The following ZEB2 variants were observed in gnomAD, a reference collection of about 807,000 sequenced individuals.
ZEB2 encodes the protein zinc finger E-box binding homeobox 2.
A neutral mutation model predicts 99.9 loss-of-function variants in ZEB2; 6 were observed. That is an observed-to-expected ratio of 0.06 (90% CI 0.03 to 0.12). ZEB2 has a LOEUF of 0.12. Among genes scored for constraint, ZEB2 ranks in the 10% least tolerant of loss-of-function variants. The probability of loss-of-function intolerance (pLI) is 1.00; values close to 1 mark genes in which losing one functional copy is unlikely to be tolerated. For synonymous variants in ZEB2, 517 were observed against 542.5 expected, an observed-to-expected ratio of 0.95 and a Z score of 0.65; for missense variants, 969 against 1,502.8, an observed-to-expected ratio of 0.64 and a Z score of 5.87.
At chr2:144,508,716 T>C (rs1172445476) in intron 2 of ZEB2, among the ~76,000 whole-genome samples, 3 of 151,900 alleles carry the variant, frequency 2.0e-5, no homozygotes, top group African/African-American at 7.3e-5. Flanking sequence ...AGATAGGCAG[T>C]ACTTCCCCCT....
intron 3 of ZEB2, chr2:144,429,491 TGTG>T: frequency 2.1e-6 from 1 of 467,642 alleles, no homozygotes; most frequent in Non-Finnish European, 3.9e-6. Context: ...ACATTGTAAA[TGTG>T]GTGCAAATAC....
In ZEB2 at chr2:144,386,108, G is replaced by A. The variant is rs1412022949; in HGVS notation, c.*3343C>T. ...AAAGGCTCTTGGAGAAAATGGGCAG[G>A]GGTGTTCAGTTGTTCCAGTGTTTCC... On this transcript the variant is annotated 3_prime_UTR_variant, in exon 10 of 10. Coordinates refer to ENST00000627532, the MANE Select transcript of ZEB2 (RefSeq NM_014795.4). 6.6e-6 allele frequency: 1 copy of A among 152,160 alleles called. No individual in the cohort carries two copies. The highest frequency in any genetic ancestry group is 1.5e-5 in the Non-Finnish European group (1 of 68,026). 9.4% of individuals were successfully genotyped at this position (152,160 alleles called of 1,614,324 possible). A position where few individuals can be genotyped will look rare whatever the true frequency, so the allele number is the denominator to read the frequency against.
At chr2:144,451,651 A>AAT (rs1704056455) in intron 2 of ZEB2, among the ~76,000 whole-genome samples, 1 of 152,212 alleles carries the variant, frequency 6.6e-6, no homozygotes, top group South Asian at 2.1e-4. Context: ...GGAAGCTAGC[A>AAT]ATACTCTTAC....
chr2:144,486,550 A>T (rs1704600429), intron 2 of ZEB2, among the ~76,000 whole-genome samples: 1 of 152,160 alleles, frequency 6.6e-6, no homozygotes, highest in Non-Finnish European at 1.5e-5. Context: ...GAAAACAATT[A>T]TGGAAATGAT....
chr2:144,513,985 A>G, intron 2 of ZEB2: 1 of 1,070,382 alleles, frequency 9.3e-7, no homozygotes, highest in Non-Finnish European at 1.3e-6. Flanking sequence ...CTTCCCCCTC[A>G]CCCCACTCCC....
At chr2:144,447,247 A>C (rs1703997829) in intron 2 of ZEB2, among the ~76,000 whole-genome samples, 1 of 152,288 alleles carries the variant, frequency 6.6e-6, no homozygotes, top group East Asian at 1.9e-4. Flanking sequence ...TTCTGACTGC[A>C]CTGGCTTCCT....
intron 2 of ZEB2, among the ~76,000 whole-genome samples, chr2:144,445,413 T>A (rs1703970008): frequency 1.3e-5 from 2 of 152,160 alleles, no homozygotes; most frequent in South Asian, 4.1e-4. Flanking sequence ...GACTTGTTTG[T>A]TCTTCTCACT....
At chr2:144,517,253 A>C in intron 2 of ZEB2, 25 bp downstream of exon 2, 3 of 1,612,808 alleles carry the variant, frequency 1.9e-6, no homozygotes, top group Non-Finnish European at 2.5e-6. Context: ...TGGCCCGGAA[A>C]AGTTTGGTTC....
intron 2 of ZEB2, among the ~76,000 whole-genome samples, chr2:144,452,828 AT>A (rs1325906969): frequency 6.6e-6 from 1 of 152,124 alleles, no homozygotes; most frequent in African/African-American, 2.4e-5. Context: ...AAAGCAAAAC[AT>A]TTACGTGGGG....
At chr2:144,512,209 A>G (rs1200192622) in intron 2 of ZEB2, 1 of 1,287,252 alleles carries the variant, frequency 7.8e-7, no homozygotes, top group Admixed American at 2.3e-5. Flanking sequence ...GACAGGCACA[A>G]AATAGTGTCT....
At chr2:144,517,103 C>G (rs1476630082) in intron 2 of ZEB2, among the ~76,000 whole-genome samples, 175 bp downstream of exon 2, 1 of 150,496 alleles carries the variant, frequency 6.6e-6, no homozygotes, top group East Asian at 2.0e-4. Flanking sequence ...CAACACCCCC[C>G]GGTCCAGCCG....
intron 2 of ZEB2, among the ~76,000 whole-genome samples, chr2:144,489,527 C>T (rs1365543367): frequency 1.3e-5 from 2 of 152,170 alleles, no homozygotes; most frequent in Non-Finnish European, 2.9e-5. Context: ...GCAGAATCTC[C>T]TCTCTACTTT....
chr2:144,483,089 G>C (rs1704537368), intron 2 of ZEB2, among the ~76,000 whole-genome samples: 1 of 150,964 alleles, frequency 6.6e-6, no homozygotes, highest in Admixed American at 6.6e-5. Flanking sequence ...TCATGACAGA[G>C]AGAGAGAAAA....
chr2:144,394,497 A>G lies in ZEB2; in HGVS notation c.3067+1915T>C, dbSNP rs924439236. 3.3e-5 allele frequency: 5 copies of G among 152,338 alleles called. No individual in the cohort carries two copies. The East Asian group carries it at 7.7e-4, about 23-fold the overall frequency. The allele number at this position is 152,338 out of a possible 1,614,324, so 9.4% of individuals were successfully genotyped here. ...CTATTGTAGCTGAATAATGGAATAC[A>G]AAATATATTTAAGGTTGATTAAAAT... On this transcript the variant is annotated intron_variant, in intron 9 of 9. Coordinates refer to ENST00000627532, the MANE Select transcript of ZEB2 (RefSeq NM_014795.4).
chr2:144,389,973 G>A lies in ZEB2; in HGVS notation c.3123C>T (p.His1041=). 1.2e-6 allele frequency: 2 copies of A among 1,605,884 alleles called. No homozygotes were observed. The highest frequency in any genetic ancestry group is 1.7e-6 in the Non-Finnish European group (2 of 1,180,000). The part of the protein sequence containing the change: ...ICKKAFKHKH[H]LIEHSRLHSG... ...AGTGAAGCCTTGAGTGCTCGATAAG[G>A]TGGTGCTTGTGTTTAAACGCTTTCT... Residue 1041 remains histidine (H), a synonymous_variant, in exon 10 of 10, where the codon CAC becomes CAT. Coordinates refer to ENST00000627532, the MANE Select transcript of ZEB2 (RefSeq NM_014795.4). This position sits in a 1 kb window ranked among gnomAD's most constrained non-coding sequence, Gnocchi z 6.8.
At chr2:144,518,732 TATTGATTTGAA>T (rs2149936302) in intron 1 of ZEB2, 1 of 152,354 alleles carries the variant, frequency 6.6e-6, no homozygotes, top group East Asian at 1.9e-4. Flanking sequence ...TTCCTTGTCC[TATTGATTTGAA>T]ATTGTTAGGG....
At chr2:144,412,780 T>C (rs1703483290) in intron 4 of ZEB2, among the ~76,000 whole-genome samples, 1 of 152,236 alleles carries the variant, frequency 6.6e-6, no homozygotes. Flanking sequence ...ACTTCCTTCT[T>C]CACTTACTGA....
intron 2 of ZEB2, chr2:144,448,878 T>C (rs568238419): frequency 6.6e-6 from 1 of 152,292 alleles, no homozygotes; most frequent in South Asian, 2.1e-4. Flanking sequence ...AGGTGAGAAA[T>C]GCCACTAGTA....
At chr2:144,420,693 G>A (rs1703608354) in intron 4 of ZEB2, among the ~76,000 whole-genome samples, 1 of 152,142 alleles carries the variant, frequency 6.6e-6, no homozygotes, top group Admixed American at 6.5e-5. Flanking sequence ...AATGGGATGT[G>A]ACCTGGACTT....
Sources: gnomAD v4.1 joint callset for allele counts (sites outside exome capture counted in the v4.1 genomes callset) on GRCh38, gnomAD v4.1.1 for gene constraint, Gnocchi (gnomAD v3.1) non-coding constraint, MANE v1.5 for transcripts, NCBI Gene and HGNC (gene_info 2026-07-23, HGNC 2026-07-21) for gene names.